CCSER2: variants seen among roughly 807,000 people sequenced by gnomAD.
CCSER2 encodes the protein coiled-coil serine rich protein 2, also known as serine-rich coiled-coil domain-containing protein 2.
Under a neutral mutation model 92.3 loss-of-function variants are expected in CCSER2, and 46 were observed. The observed-to-expected ratio is 0.50, with a 90% CI of 0.39 to 0.64. The LOEUF is 0.64. Among genes scored for constraint, CCSER2 ranks in the 30% least tolerant of loss-of-function variants. CCSER2 has a pLI of 0.00. For synonymous variants in CCSER2, 433 were observed against 431.4 expected (o/e 1.00, Z -0.04); for missense variants, 1,244 against 1,238.9 (o/e 1.00, Z -0.06).
chr10:84,451,955 T>G (rs540832003), intron 6 of CCSER2, among the ~76,000 whole-genome samples: 2 of 152,372 alleles, frequency 1.3e-5, no homozygotes, highest in South Asian at 4.1e-4. Flanking sequence ...TTTTACAGTA[T>G]TACTCAAAAA....
chr10:84,366,681 A>G (rs1845792261), intron 1 of CCSER2, among the ~76,000 whole-genome samples: 1 of 152,230 alleles, frequency 6.6e-6, no homozygotes, highest in Non-Finnish European at 1.5e-5. Flanking sequence ...CAAATAACGT[A>G]TCTTGGCTTA....
At chr10:84,467,147 G>A (rs1442417137) in intron 7 of CCSER2, among the ~76,000 whole-genome samples, 1 of 152,172 alleles carries the variant, frequency 6.6e-6, no homozygotes, top group African/African-American at 2.4e-5. Flanking sequence ...TTTCAATGCT[G>A]TAGACGTTTG....
chr10:84,500,193 T>C (rs1848652533), intron 9 of CCSER2, among the ~76,000 whole-genome samples: 1 of 152,262 alleles, frequency 6.6e-6, no homozygotes, highest in Non-Finnish European at 1.5e-5. Context: ...ATTCTAATAC[T>C]GTTTAAACCT....
chr10:84,332,781 C>A (rs1019920882), intron 1 of CCSER2, among the ~76,000 whole-genome samples: 1 of 151,734 alleles, frequency 6.6e-6, no homozygotes, highest in Admixed American at 6.6e-5. Flanking sequence ...CATAGTGAGA[C>A]CCCCATCTCT....
At chr10:84,425,057 A>G (rs1843356352) in intron 4 of CCSER2, 14 of 968,396 alleles carry the variant, frequency 1.4e-5, no homozygotes, top group Non-Finnish European at 1.7e-5. Flanking sequence ...GGGTAAGTGA[A>G]GAAGCTTGGG....
intron 5 of CCSER2, among the ~76,000 whole-genome samples, chr10:84,432,054 A>G (rs544214986): frequency 6.6e-6 from 1 of 152,274 alleles, no homozygotes; most frequent in South Asian, 2.1e-4. Context: ...GCTGCTCCAT[A>G]TCCTCATCAG....
intron 3 of CCSER2, chr10:84,393,909 A>T (rs1302582999): frequency 6.6e-6 from 1 of 152,212 alleles, no homozygotes; most frequent in Admixed American, 6.5e-5. Context: ...AATGTAGGTA[A>T]ATAGAAATCT....
intron 9 of CCSER2, among the ~76,000 whole-genome samples, chr10:84,494,375 G>C (rs1589811485): frequency 6.6e-6 from 1 of 152,184 alleles, no homozygotes; most frequent in South Asian, 2.1e-4. Context: ...GTTTTGGCCA[G>C]CTTCTTTACT....
chr10:84,415,163 C>T lies in CCSER2; in HGVS notation c.1615-2608C>T, dbSNP rs529281553. ...TACTGTGTCAGTTCAGCCATCTCAT[C>T]CTCAGCCCAGTTCTGTGCCCTTGCT... is the stretch of plus-strand genomic sequence containing the variant. On this transcript the variant is annotated intron_variant, in intron 3 of 9. Coordinates refer to ENST00000372088, the MANE Select transcript of CCSER2 (RefSeq NM_001284240.2). Among the ~76,000 whole-genome samples, 6 of 152,330 alleles carry T rather than the reference C, an allele frequency of 3.9e-5. No individual in the cohort carries two copies. The East Asian group carries it at 1.2e-3, about 29-fold the overall frequency.
intron 5 of CCSER2, among the ~76,000 whole-genome samples, chr10:84,435,916 A>C (rs909985846): frequency 2.5e-4 from 38 of 152,118 alleles, no homozygotes; most frequent in African/African-American, 7.7e-4. Context: ...AATTATCTAG[A>C]TCAAGTGTGC....
intron 3 of CCSER2, among the ~76,000 whole-genome samples, chr10:84,385,405 A>G (rs921183557): frequency 1.3e-5 from 2 of 152,216 alleles, no homozygotes; most frequent in Admixed American, 6.5e-5. Flanking sequence ...ATATAAAAGT[A>G]GACACATTGA....
intron 3 of CCSER2, among the ~76,000 whole-genome samples, chr10:84,394,881 A>G (rs1428390024): frequency 5.3e-5 from 8 of 152,088 alleles, no homozygotes; most frequent in African/African-American, 1.7e-4. Flanking sequence ...TTCTTGATCA[A>G]AGCCTGTGTT....
rs199602360 is a variant in CCSER2 at position 84,371,455 on chromosome 10, A to G, written c.403A>G (p.Thr135Ala). Residue 135 changes from threonine (T) to alanine (A), a missense_variant, in exon 2 of 10, where the codon ACA (threonine) becomes GCA (alanine). By Grantham distance (58) the Thr-to-Ala change is moderately conservative. Transcript: ENST00000372088. ...AKPSTMFVSS[T>A]EELNQKSFSG... ...GCCATCCACTATGTTTGTGTCATCT[A>G]CAGAGGAGTTAAACCAAAAGTCTTT... 4.3e-6 allele frequency: 7 copies of G among 1,613,894 alleles called. No homozygotes were observed. The highest frequency in any genetic ancestry group is 4.5e-5 in the East Asian group (2 of 44,870).
In CCSER2 at chr10:84,459,674, C is replaced by A. The variant is rs552956166; in HGVS notation, c.2065-4259C>A. 2.0e-5 allele frequency among the ~76,000 whole-genome samples: 3 copies of A among 152,182 alleles called. No individual in the cohort carries two copies. The South Asian group carries it at 6.2e-4, about 32-fold the overall frequency. ...ATTAGCTGGGACTACAGGTGCATCC[C>A]ACCACACCTGGCTAATTTTTTATAG... On this transcript the variant is annotated intron_variant, in intron 6 of 9. Transcript: ENST00000372088.
intron 8 of CCSER2, among the ~76,000 whole-genome samples, chr10:84,477,292 A>T (rs1264033399): frequency 6.6e-6 from 1 of 152,180 alleles, no homozygotes; most frequent in African/African-American, 2.4e-5. Context: ...CCTGAATAAG[A>T]TGAGAGACCA....
chr10:84,451,177 G>A (rs892325214), intron 6 of CCSER2, among the ~76,000 whole-genome samples: 4 of 149,898 alleles, frequency 2.7e-5, no homozygotes, highest in Non-Finnish European at 5.9e-5. Flanking sequence ...AAAGAGAATA[G>A]GAAACATAGA....
chr10:84,491,760 C>A (rs1848182268), intron 9 of CCSER2, among the ~76,000 whole-genome samples: 2 of 152,098 alleles, frequency 1.3e-5, no homozygotes, highest in African/African-American at 4.8e-5. Flanking sequence ...TCCCCACTGT[C>A]CAACAAGCCC....
chr10:84,503,265 G>T (rs1233573129), intron 9 of CCSER2, among the ~76,000 whole-genome samples: 1 of 151,906 alleles, frequency 6.6e-6, no homozygotes, highest in African/African-American at 2.4e-5. Flanking sequence ...TAAATGGAAG[G>T]TTCTGGCCTT....
chr10:84,440,248 C>G (rs1844443536), intron 6 of CCSER2, among the ~76,000 whole-genome samples: 1 of 152,124 alleles, frequency 6.6e-6, no homozygotes, highest in East Asian at 1.9e-4. Context: ...CTCTTAGGTA[C>G]TACACACGGG....
Sources: allele counts gnomAD v4.1 joint callset (sites outside exome capture counted in the v4.1 genomes callset), GRCh38; gene constraint gnomAD v4.1.1; transcripts MANE v1.5; gene names NCBI Gene and HGNC (gene_info 2026-07-23, HGNC 2026-07-21).